The following ACTB variants were observed in gnomAD, a reference collection of about 807,000 sequenced individuals.
ACTB encodes the protein actin beta.
A neutral mutation model predicts 30.5 loss-of-function variants in ACTB; 2 were observed. The ratio of observed to expected loss-of-function variants is 0.07; its 90% CI spans 0.03 to 0.21. The LOEUF is 0.21. ACTB is among the 10% of genes least tolerant of loss of function. The pLI is 1.00. For missense variants in ACTB, 56 were observed against 530.0 expected (o/e 0.11, Z 8.78); for synonymous variants, 335 against 217.6 (o/e 1.54, Z -4.75).
At chr7:5,528,247 T>A in intron 4 of ACTB, 34 bp downstream of exon 4, 1 of 1,613,736 alleles carries the variant, frequency 6.2e-7, no homozygotes, top group Non-Finnish European at 8.5e-7. Context: ...GTAACCCTCA[T>A]GTCAGGCAGA....
chr7:5,529,869 C>T, intron 1 of ACTB: 1 of 830,050 alleles, frequency 1.2e-6, no homozygotes, highest in Non-Finnish European at 2.0e-6. Context: ...AGGCCCCAAC[C>T]CCCTCCCAAC....
At position 5,529,664 on chromosome 7, in the gene ACTB, C is replaced by T; in HGVS notation, c.-6-1G>A. On this transcript the variant is annotated splice_acceptor_variant, in intron 1 of 5. Coordinates refer to ENST00000646664, the MANE Select transcript of ACTB (RefSeq NM_001101.5). LOFTEE classifies it low-confidence loss of function (5UTR_SPLICE). ...CGGCGATATCATCATCCATGGTGAG[C>T]TGCGAGAATAGCCGGGCGCGCTGTG... The T allele has an allele frequency of 6.2e-7, 1 of 1,611,368 alleles. No homozygotes were observed. Among genetic ancestry groups the T allele is most frequent in the Non-Finnish European group, 8.5e-7 (1 of 1,179,628 alleles).
chr7:5,529,763 C>T, intron 1 of ACTB, 100 bp from the exon 2 acceptor site: 1 of 1,572,018 alleles, frequency 6.4e-7, no homozygotes, highest in Non-Finnish European at 8.7e-7. Flanking sequence ...CCGGCGCGCG[C>T]CCAGATTGGG....
At chr7:5,528,764 G>A in intron 3 of ACTB, 45 bp from the exon 4 acceptor site, 1 of 1,601,302 alleles carries the variant, frequency 6.2e-7, no homozygotes. Flanking sequence ...AAGCCACTGG[G>A]GACAGCCAGG....
intron 3 of ACTB, 159 bp downstream of exon 3, chr7:5,529,002 G>C (rs1489749680): frequency 1.2e-6 from 2 of 1,602,830 alleles, no homozygotes; most frequent in Non-Finnish European, 1.7e-6. Flanking sequence ...GCTCATCTGG[G>C]AAAAAGCAAA....
In ACTB at chr7:5,527,778, G is replaced by A. The variant is rs1584261146; in HGVS notation, c.1098C>T (p.Gly366=). The A allele has an allele frequency of 3.1e-6, 5 of 1,613,990 alleles. No homozygotes were observed. The highest frequency in any genetic ancestry group is 4.2e-6 in the Non-Finnish European group (5 of 1,180,006). Reference sequence around the variant, plus strand: ...AGCATTTGCGGTGGACGATGGAGGGGCCGGACTCGTCATACTCCTGCTTGC... The same window carrying A: ...AGCATTTGCGGTGGACGATGGAGGGACCGGACTCGTCATACTCCTGCTTGC... ...WISKQEYDES[G]PSIVHRKCF Residue 366 remains glycine (G), a synonymous_variant, in exon 6 of 6, where the codon GGC becomes GGT. Coordinates refer to ENST00000646664, the MANE Select transcript of ACTB (RefSeq NM_001101.5).
At chr7:5,529,881 G>A in intron 1 of ACTB, 2 of 747,418 alleles carry the variant, frequency 2.7e-6, no homozygotes, top group South Asian at 1.5e-5. Flanking sequence ...CCTCCCAACC[G>A]GGCGCCAGCC....
At chr7:5,527,964 C>T (rs1784801244) in intron 5 of ACTB, 40 bp downstream of exon 5, 1 of 1,613,012 alleles carries the variant, frequency 6.2e-7, no homozygotes, top group African/African-American at 1.3e-5. Flanking sequence ...GACCCCACAG[C>T]CGACCTGCCC....
chr7:5,529,406 A>C lies in ACTB; in HGVS notation c.124-6T>G, dbSNP rs775432452. On this transcript the variant is annotated splice_region_variant and splice_polypyrimidine_tract_variant and intron_variant, in intron 2 of 5. Transcript: ENST00000646664. ...CCCATGCCCACCATCACGCCCTGGG[A>C]AGGAAAGGACAAGAAGCCCTGAGCA... 3.1e-6 allele frequency: 5 copies of C among 1,613,814 alleles called. No individual in the cohort carries two copies. In the South Asian group the frequency reaches 5.5e-5, roughly 18 times the overall value.
At chr7:5,530,453 C>G (rs1429457210) in intron 1 of ACTB, 71 bp downstream of exon 1, 3 of 151,894 alleles carry the variant, frequency 2.0e-5, no homozygotes, top group Admixed American at 2.0e-4. Flanking sequence ...CGGCTCTGCA[C>G]GGGCGAAGGG....
intron 3 of ACTB, 82 bp from the exon 4 acceptor site, chr7:5,528,801 A>G (rs1584262380): frequency 3.9e-6 from 6 of 1,534,952 alleles, no homozygotes; most frequent in Non-Finnish European, 4.5e-6. Flanking sequence ...CAGAAAGTGC[A>G]AAGAACACGG....
intron 3 of ACTB, 58 bp downstream of exon 3, chr7:5,529,103 G>A (rs531876233): frequency 1.2e-6 from 2 of 1,613,586 alleles, no homozygotes; most frequent in East Asian, 2.2e-5. Context: ...AAAGGGCGCA[G>A]CTCCGGGAGG....
intron 2 of ACTB, 38 bp downstream of exon 2, chr7:5,529,497 C>T (rs1350560109): frequency 6.2e-7 from 1 of 1,612,258 alleles, no homozygotes. Flanking sequence ...TGCCTCCCGC[C>T]CGCTCCCGGG....
At position 5,529,362 on chromosome 7, in the gene ACTB, C is replaced by G; in HGVS notation, c.162G>C (p.Val54=). 1 of 1,614,072 alleles carries G rather than the reference C, an allele frequency of 6.2e-7. No individual in the cohort carries two copies. Among genetic ancestry groups the G allele is most frequent in the Non-Finnish European group, 8.5e-7 (1 of 1,180,040 alleles). ...CTCTCTTGCTCTGGGCCTCGTCGCC[C>G]ACATAGGAATCCTTCTGACCCATGC... ...MVGMGQKDSY[V]GDEAQSKRGI... Residue 54 remains valine, a synonymous_variant, in exon 3 of 6, where the codon GTG becomes GTC. Coordinates refer to ENST00000646664, the MANE Select transcript of ACTB (RefSeq NM_001101.5).
At position 5,528,385 on chromosome 7, in the gene ACTB, C is replaced by T; in HGVS notation, c.698G>A (p.Ser233Asn). ...CTCGTAGCTCTTCTCCAGGGAGGAG[C>T]TGGAAGCAGCCGTGGCCATCTCTTG... The part of the protein sequence containing the change: ...FEQEMATAAS[S>N]SSLEKSYELP... The change falls in exon 4 of 6, where the codon AGC (serine) becomes AAC (asparagine). Residue 233 changes from serine to asparagine, a missense_variant. Physicochemically the swap from Ser to Asn is conservative, Grantham distance 46. Transcript: ENST00000646664. 6.2e-7 allele frequency: 1 copy of T among 1,614,106 alleles called. No homozygotes were observed. The highest frequency in any genetic ancestry group is 8.5e-7 in the Non-Finnish European group (1 of 1,180,036).
At position 5,529,411 on chromosome 7, in the gene ACTB, A is replaced by C. The variant is rs754033291; in HGVS notation, c.124-11T>G. ...GCCCACCATCACGCCCTGGGAAGGA[A>C]AGGACAAGAAGCCCTGAGCACGGGC... On this transcript the variant is annotated splice_polypyrimidine_tract_variant and intron_variant, in intron 2 of 5. Transcript: ENST00000646664. 1.9e-6 allele frequency: 3 copies of C among 1,613,888 alleles called. No individual in the cohort carries two copies. The highest frequency in any genetic ancestry group is 1.6e-4 in the Middle Eastern group (1 of 6,062).
chr7:5,528,952 T>C, intron 3 of ACTB: 4 of 1,541,986 alleles, frequency 2.6e-6, no homozygotes, highest in Non-Finnish European at 3.5e-6. Flanking sequence ...CACAACACTG[T>C]CTTAGACACC....
chr7:5,530,391 C>G (rs1045168138), intron 1 of ACTB, 133 bp downstream of exon 1: 3 of 152,356 alleles, frequency 2.0e-5, no homozygotes, highest in East Asian at 1.9e-4. Context: ...TCCCGCGCCC[C>G]CCACGGCGGT....
Position 5,529,517 on chromosome 7 carries a change from C to A in ACTB, c.123+18G>T, listed in dbSNP as rs551932499. 6.2e-7 allele frequency: 1 copy of A among 1,611,852 alleles called. No homozygotes were observed. ...CCCGCCCGCTCCCGGGGCTGCCCCACCCAGCCAGCTCCCCTACCTGGTGCC... is the reference window on the plus strand; with the variant it reads ...CCCGCCCGCTCCCGGGGCTGCCCCAACCAGCCAGCTCCCCTACCTGGTGCC... On this transcript the variant is annotated intron_variant, in intron 2 of 5. Coordinates refer to ENST00000646664, the MANE Select transcript of ACTB (RefSeq NM_001101.5).
Sources: gnomAD v4.1 joint callset for allele counts on GRCh38, gnomAD v4.1.1 for gene constraint, MANE v1.5 for transcripts, NCBI Gene and HGNC (gene_info 2026-07-23, HGNC 2026-07-21) for gene names.